Variants in PRIM2 observed in about 807,000 individuals in gnomAD.
PRIM2 encodes the protein DNA primase subunit 2.
Under a neutral mutation model 67.3 loss-of-function variants are expected in PRIM2, and 39 were observed. The observed-to-expected ratio is 0.58, with a 90% CI of 0.45 to 0.76. The LOEUF (loss-of-function observed/expected upper bound fraction) is 0.76. Among genes scored for constraint, PRIM2 ranks in the 30% least tolerant of loss-of-function variants. PRIM2 has a pLI of 0.00. For missense variants in PRIM2, 398 were observed against 598.7 expected (o/e 0.66, Z 3.50); for synonymous variants, 143 against 198.7 (o/e 0.72, Z 2.36).
At chr6:57,403,499 TG>T (rs1770784050) in intron 7 of PRIM2, among the ~76,000 whole-genome samples, 1 of 151,978 alleles carries the variant, frequency 6.6e-6, no homozygotes, top group African/African-American at 2.4e-5. Flanking sequence ...CCTGACCTCA[TG>T]GTGCATCTGC....
At chr6:57,347,252 A>G (rs1768708324) in intron 5 of PRIM2, among the ~76,000 whole-genome samples, 3 of 152,164 alleles carry the variant, frequency 2.0e-5, no homozygotes. Context: ...GACTGTTTCC[A>G]GACTTGGATG....
chr6:57,408,532 A>G (rs1309106906), intron 7 of PRIM2, among the ~76,000 whole-genome samples: 1 of 152,180 alleles, frequency 6.6e-6, no homozygotes, highest in African/African-American at 2.4e-5. Context: ...GTGCTTTTGT[A>G]CAATAAATAG....
intron 7 of PRIM2, among the ~76,000 whole-genome samples, chr6:57,465,646 C>G (rs1221508085): frequency 6.6e-6 from 1 of 152,122 alleles, no homozygotes; most frequent in Non-Finnish European, 1.5e-5. Flanking sequence ...GTTAGTTAAC[C>G]TCTGTGTGCC....
the PRIM2 span, among the ~76,000 whole-genome samples, chr6:57,296,005 T>G: frequency 6.6e-6 from 1 of 152,148 alleles, no homozygotes; most frequent in Non-Finnish European, 1.5e-5. Context: ...ATATCAATGT[T>G]TCATACATTC....
rs1554346600 is a variant in PRIM2 at position 57,498,987 on chromosome 6, TCTA to T, written c.694-8397_694-8395del. On this transcript the variant is annotated intron_variant, in intron 7 of 13. Coordinates refer to ENST00000615550, the MANE Select transcript of PRIM2 (RefSeq NM_000947.5). ...GCCCTTTTCAATCCTTTCAAACAAT[TCTA>T]CTTCAAAATAGCAATTGGCTAACAG... 1.3e-3 allele frequency among the ~76,000 whole-genome samples: 201 copies of T among 152,292 alleles called. 2 individuals carry two copies. The East Asian group carries it at 0.037, about 28-fold the overall frequency.
At chr6:57,286,001 T>A in the PRIM2 span, among the ~76,000 whole-genome samples, 1 of 152,100 alleles carries the variant, frequency 6.6e-6, no homozygotes, top group Non-Finnish European at 1.5e-5. Flanking sequence ...TGAACTCCCA[T>A]TCACAATTGC....
intron 7 of PRIM2, among the ~76,000 whole-genome samples, chr6:57,456,093 T>G (rs1408570993): frequency 2.6e-5 from 4 of 152,146 alleles, no homozygotes; most frequent in South Asian, 2.1e-4. Flanking sequence ...TTCTTTTCTT[T>G]AAGAATGTTG....
At chr6:57,223,887 G>A in the PRIM2 span, among the ~76,000 whole-genome samples, 1 of 152,028 alleles carries the variant, frequency 6.6e-6, no homozygotes, top group African/African-American at 2.4e-5. Context: ...AATGTAAAAT[G>A]GTACGGCCAC....
intron 13 of PRIM2, among the ~76,000 whole-genome samples, chr6:57,643,061 T>A (rs2127502451): frequency 6.6e-6 from 1 of 152,288 alleles, no homozygotes; most frequent in African/African-American, 2.4e-5. Context: ...TTTTATTTAC[T>A]TTTCCCATGG....
At chr6:57,467,741 G>C (rs1290555221) in intron 7 of PRIM2, among the ~76,000 whole-genome samples, 1 of 151,326 alleles carries the variant, frequency 6.6e-6, no homozygotes, top group African/African-American at 2.4e-5. Flanking sequence ...TCATGATATT[G>C]ATTCTTCATA....
chr6:57,498,912 A>G (rs1554346595), intron 7 of PRIM2, among the ~76,000 whole-genome samples: 6 of 152,082 alleles, frequency 3.9e-5, no homozygotes, highest in East Asian at 1.9e-4. Context: ...CCCTCCCTTC[A>G]TGCTCATCAT....
the PRIM2 span, among the ~76,000 whole-genome samples, chr6:57,282,386 A>G: frequency 1.4e-3 from 207 of 152,268 alleles, no homozygotes; most frequent in African/African-American, 4.8e-3. Context: ...TTTAGTACGT[A>G]AATTCTGTTG....
At chr6:57,469,530 C>CAA (rs1773287209) in intron 7 of PRIM2, among the ~76,000 whole-genome samples, 1 of 152,134 alleles carries the variant, frequency 6.6e-6, no homozygotes, top group Non-Finnish European at 1.5e-5. Flanking sequence ...CTAATCAGAG[C>CAA]ATACAGATCA....
the PRIM2 span, among the ~76,000 whole-genome samples, chr6:57,255,780 T>C: frequency 0.29 from 44,722 of 152,076 alleles, 7,212 homozygotes; most frequent in East Asian, 0.61. Flanking sequence ...AAGGCTATTA[T>C]GGCAGATACA....
chr6:57,475,022 G>T (rs1378425135), intron 7 of PRIM2, among the ~76,000 whole-genome samples: 2 of 152,112 alleles, frequency 1.3e-5, no homozygotes, highest in African/African-American at 4.8e-5. Flanking sequence ...GTTTATTTGC[G>T]TGCAGTGGAA....
intron 5 of PRIM2, among the ~76,000 whole-genome samples, chr6:57,333,201 T>C (rs927183930): frequency 1.3e-5 from 2 of 152,234 alleles, no homozygotes; most frequent in African/African-American, 4.8e-5. Flanking sequence ...AAATTATTTC[T>C]TAATATATCA....
At chr6:57,297,770 C>T in the PRIM2 span, among the ~76,000 whole-genome samples, 3 of 151,980 alleles carry the variant, frequency 2.0e-5, no homozygotes, top group African/African-American at 7.3e-5. Flanking sequence ...CATAATTCTG[C>T]CAAAAATGCA....
chr6:57,581,960 A>G (rs1219739366), intron 10 of PRIM2, among the ~76,000 whole-genome samples: 3 of 152,204 alleles, frequency 2.0e-5, no homozygotes, highest in Non-Finnish European at 4.4e-5. Flanking sequence ...CCAGCATCCC[A>G]TGTAGCTGGG....
chr6:57,480,752 C>T (rs2127405543), intron 7 of PRIM2, among the ~76,000 whole-genome samples: 1 of 152,244 alleles, frequency 6.6e-6, no homozygotes, highest in Non-Finnish European at 1.5e-5. Context: ...TCTCAGCCTC[C>T]CGAGTAGCTG....
Sources: allele counts gnomAD v4.1 joint callset (sites outside exome capture counted in the v4.1 genomes callset), GRCh38; gene constraint gnomAD v4.1.1; transcripts MANE v1.5; gene names NCBI Gene and HGNC (gene_info 2026-07-23, HGNC 2026-07-21).